Variants in ASTN2 observed in about 807,000 individuals in gnomAD.
The protein encoded by ASTN2 is astrotactin-2.
ASTN2 carries 54 observed loss-of-function variants against 139.8 expected under a neutral mutation model. The observed-to-expected ratio is 0.39, with a 90% confidence interval of 0.31 to 0.48. The LOEUF (loss-of-function observed/expected upper bound fraction) is 0.48, where lower values mean the gene tolerates loss of function less well. Ranked by LOEUF, ASTN2 falls within the 20% of genes least tolerant of loss-of-function variation. ASTN2 has a pLI of 0.95. For missense variants in ASTN2, 1,565 were observed against 1,725.1 expected (o/e 0.91, Z 1.64); for synonymous variants, 756 against 719.5 (o/e 1.05, Z -0.81).
intron 4 of ASTN2, among the ~76,000 whole-genome samples, chr9:117,124,779 T>C (rs931036677): frequency 1.4e-4 from 20 of 144,210 alleles, no homozygotes; most frequent in Non-Finnish European, 1.5e-4. Flanking sequence ...CATTCCAGCA[T>C]GGGTGACATA....
At chr9:116,949,600 C>G (rs1835500187) in intron 10 of ASTN2, among the ~76,000 whole-genome samples, 1 of 152,172 alleles carries the variant, frequency 6.6e-6, no homozygotes, top group Non-Finnish European at 1.5e-5. Context: ...TGGCTTGAGA[C>G]TATGATTGTG....
chr9:117,289,123 GGAA>G (rs1385497460), intron 2 of ASTN2, among the ~76,000 whole-genome samples: 1 of 152,188 alleles, frequency 6.6e-6, no homozygotes, highest in African/African-American at 2.4e-5. Context: ...ACCTCTCAGA[GGAA>G]GAACACCCTG....
At chr9:116,951,154 A>G (rs1835546895) in intron 10 of ASTN2, among the ~76,000 whole-genome samples, 1 of 151,916 alleles carries the variant, frequency 6.6e-6, no homozygotes, top group African/African-American at 2.4e-5. Context: ...CCTGACCAAC[A>G]TGGAGAAACC....
intron 2 of ASTN2, 47 bp downstream of exon 2, chr9:117,291,279 C>T (rs200453051): frequency 1.2e-6 from 2 of 1,602,932 alleles, no homozygotes; most frequent in East Asian, 2.2e-5. Context: ...CCACCCATTC[C>T]TCCCCCACGC....
At chr9:116,711,606 T>A (rs186461344) in intron 16 of ASTN2, among the ~76,000 whole-genome samples, 1 of 152,280 alleles carries the variant, frequency 6.6e-6, no homozygotes, top group African/African-American at 2.4e-5. Context: ...AGACTCAGTA[T>A]ATTCAAAACT....
intron 1 of ASTN2, among the ~76,000 whole-genome samples, chr9:117,365,266 A>C (rs941723718): frequency 3.3e-5 from 5 of 151,902 alleles, no homozygotes; most frequent in Non-Finnish European, 7.4e-5. Flanking sequence ...ACAGAGAGAA[A>C]AAAAGACAGA....
At chr9:117,231,101 C>T (rs549769700) in intron 2 of ASTN2, among the ~76,000 whole-genome samples, 2 of 152,332 alleles carry the variant, frequency 1.3e-5, no homozygotes, top group South Asian at 4.1e-4. Context: ...CTACAGCACT[C>T]TCTGAGTTTC....
intron 3 of ASTN2, among the ~76,000 whole-genome samples, chr9:117,146,396 C>T (rs1830196400): frequency 6.7e-6 from 1 of 149,588 alleles, no homozygotes; most frequent in South Asian, 2.1e-4. Flanking sequence ...ACCACTGGGG[C>T]CTGAGGAAGA....
chr9:116,956,896 C>T (rs1835723477), intron 10 of ASTN2, among the ~76,000 whole-genome samples: 1 of 152,132 alleles, frequency 6.6e-6, no homozygotes, highest in Non-Finnish European at 1.5e-5. Context: ...AAGACTTCTA[C>T]ATTAAGAACT....
chr9:117,169,739 G>T (rs993949713), intron 3 of ASTN2, among the ~76,000 whole-genome samples: 3 of 152,034 alleles, frequency 2.0e-5, no homozygotes, highest in Non-Finnish European at 4.4e-5. Flanking sequence ...ATGGTGGGGT[G>T]GGGCAGGGGG....
In ASTN2 at chr9:117,260,242, A is replaced by G. The variant is rs539570219; in HGVS notation, c.630+31084T>C. ...AATGGCTTCACCTTCACCAACTGCT[A>G]TATATACTGGACTTTGAGTTCCTTT... is the stretch of plus-strand genomic sequence containing the variant. On this transcript the variant is annotated intron_variant, in intron 2 of 22. Transcript: ENST00000313400. Among the ~76,000 whole-genome samples the G allele has an allele frequency of 7.2e-5, 11 of 152,312 alleles. No homozygotes were observed. In the South Asian group the frequency reaches 8.3e-4, roughly 11 times the overall value.
At chr9:117,409,401 C>T (rs541915994) in intron 1 of ASTN2, among the ~76,000 whole-genome samples, 11 of 152,164 alleles carry the variant, frequency 7.2e-5, no homozygotes, top group Non-Finnish European at 1.6e-4. Context: ...GGGTATACAA[C>T]GGTCTGCAAG....
At chr9:117,250,620 G>C (rs1472488897) in intron 2 of ASTN2, among the ~76,000 whole-genome samples, 1 of 152,134 alleles carries the variant, frequency 6.6e-6, no homozygotes, top group Non-Finnish European at 1.5e-5. Flanking sequence ...TGGTACAAAA[G>C]TAATCATGGC....
intron 16 of ASTN2, among the ~76,000 whole-genome samples, chr9:116,713,176 T>G (rs1330094712): frequency 6.6e-6 from 1 of 152,176 alleles, no homozygotes; most frequent in Non-Finnish European, 1.5e-5. Context: ...CCATCTATAT[T>G]TGTTAAATTA....
chr9:117,292,554 C>T (rs548788180), intron 1 of ASTN2, among the ~76,000 whole-genome samples: 1 of 152,270 alleles, frequency 6.6e-6, no homozygotes, highest in Admixed American at 6.5e-5. Flanking sequence ...GGGAGACAAA[C>T]AGGAGACAAA....
At chr9:117,225,879 C>T (rs1832698440) in intron 2 of ASTN2, among the ~76,000 whole-genome samples, 1 of 152,094 alleles carries the variant, frequency 6.6e-6, no homozygotes, top group Non-Finnish European at 1.5e-5. Context: ...TGGCTTAACT[C>T]TTACTACTAT....
At chr9:116,663,005 C>T (rs528114668) in intron 16 of ASTN2, among the ~76,000 whole-genome samples, 2 of 152,330 alleles carry the variant, frequency 1.3e-5, no homozygotes, top group African/African-American at 4.8e-5. Flanking sequence ...AACGCCTTCT[C>T]TTTCTTGGGA....
In ASTN2 at chr9:116,994,606, G is replaced by A. The variant is rs146511400; in HGVS notation, c.1591+13486C>T. Among the ~76,000 whole-genome samples, 1,011 of 152,254 alleles carry A rather than the reference G, an allele frequency of 6.6e-3. 13 individuals carry two copies. The highest frequency in any genetic ancestry group is 0.023 in the African/African-American group (964 of 41,552). On this transcript the variant is annotated intron_variant, in intron 7 of 22. Transcript: ENST00000313400. The stretch of plus-strand genomic sequence containing the variant: ...GTGACTGCTGAATATTTCAAATATG[G>A]TGAATGTGACTGAGGAGCTAAATTT...
At chr9:117,333,325 G>T (rs943977056) in intron 1 of ASTN2, among the ~76,000 whole-genome samples, 2 of 152,120 alleles carry the variant, frequency 1.3e-5, no homozygotes, top group African/African-American at 4.8e-5. Context: ...GAGGGCCAGA[G>T]AGGAAAAATA....
Sources: allele counts gnomAD v4.1 joint callset (sites outside exome capture counted in the v4.1 genomes callset), GRCh38; gene constraint gnomAD v4.1.1; transcripts MANE v1.5; gene names NCBI Gene and HGNC (gene_info 2026-07-23, HGNC 2026-07-21).